Variants in KIF6 observed in about 807,000 individuals in gnomAD.
KIF6 encodes kinesin-like protein KIF6.
KIF6 carries 106 observed loss-of-function variants against 112.7 expected under a neutral mutation model. The ratio of observed to expected loss-of-function variants is 0.94; its 90% CI spans 0.80 to 1.11. KIF6 has a LOEUF of 1.11. Among genes scored for constraint, KIF6 ranks in the 50% least tolerant of loss-of-function variants. The pLI, the probability that KIF6 is intolerant of heterozygous loss-of-function variation, is 0.00. For synonymous variants in KIF6, 339 were observed against 339.9 expected (o/e 1.00, Z 0.03); for missense variants, 929 against 964.0 (o/e 0.96, Z 0.48).
At chr6:39,643,360 T>C (rs984142010) in intron 3 of KIF6, among the ~76,000 whole-genome samples, 5 of 152,144 alleles carry the variant, frequency 3.3e-5, no homozygotes, top group Non-Finnish European at 7.4e-5. Flanking sequence ...ACAGAATAGC[T>C]AAAACAATCT....
At chr6:39,509,791 A>T (rs1776656118) in intron 13 of KIF6, among the ~76,000 whole-genome samples, 1 of 152,224 alleles carries the variant, frequency 6.6e-6, no homozygotes, top group Non-Finnish European at 1.5e-5. Context: ...AATGGAACCA[A>T]GTTAGAAAAC....
intron 13 of KIF6, among the ~76,000 whole-genome samples, chr6:39,482,783 AC>A (rs1212293493): frequency 2.0e-5 from 3 of 152,216 alleles, no homozygotes; most frequent in Non-Finnish European, 4.4e-5. Context: ...AGTCCAGCCC[AC>A]TGGGAGAGAG....
intron 5 of KIF6, among the ~76,000 whole-genome samples, chr6:39,625,537 C>A (rs1277746441): frequency 1.3e-5 from 2 of 152,136 alleles, no homozygotes; most frequent in Non-Finnish European, 1.5e-5. Context: ...AAGAGGCTGC[C>A]ATTCCAGCTG....
At chr6:39,550,775 C>A (rs1779330883) in intron 10 of KIF6, among the ~76,000 whole-genome samples, 1 of 152,220 alleles carries the variant, frequency 6.6e-6, no homozygotes. Flanking sequence ...TGCTCTAAAT[C>A]ATTTTGCCAC....
chr6:39,599,264 A>T (rs534842153), intron 6 of KIF6, among the ~76,000 whole-genome samples: 62 of 152,324 alleles, frequency 4.1e-4, no homozygotes, highest in Non-Finnish European at 6.6e-4. Flanking sequence ...ATGAGTAAAT[A>T]TGTTCAGATC....
chr6:39,545,562 T>C lies in KIF6; in HGVS notation c.1287+21A>G, dbSNP rs752151632. The C allele has an allele frequency of 7.0e-6, 11 of 1,573,680 alleles. No individual in the cohort carries two copies. The South Asian group carries it at 1.1e-4, about 16-fold the overall frequency. On this transcript the variant is annotated intron_variant, in intron 11 of 22. Coordinates refer to ENST00000287152, the MANE Select transcript of KIF6 (RefSeq NM_145027.6). The stretch of plus-strand genomic sequence containing the variant: ...GAACATGGCTGAAAATGGCTTCTAT[T>C]GGGGAAACATTTAAGTTTACCTTTA...
chr6:39,424,425 C>G (rs1770615581), intron 14 of KIF6, among the ~76,000 whole-genome samples: 1 of 152,220 alleles, frequency 6.6e-6, no homozygotes, highest in Non-Finnish European at 1.5e-5. Context: ...GGACAGCAAC[C>G]ACATCTGCTT....
At chr6:39,407,258 A>T (rs1213071173) in intron 15 of KIF6, among the ~76,000 whole-genome samples, 1 of 152,220 alleles carries the variant, frequency 6.6e-6, no homozygotes, top group Non-Finnish European at 1.5e-5. Context: ...CAAAAAATAC[A>T]TTGCTTCATA....
rs58810898 is a variant in KIF6 at position 39,349,631 on chromosome 6, C to CTTTTTTTTT, written c.2181-3114_2181-3106dup. On this transcript the variant is annotated intron_variant, in intron 19 of 22. Transcript: ENST00000287152. ...GAAGGTCTAGGTTTAATTTGTGGCT[C>CTTTTTTTTT]TTTTTTTTTTTTTTTTTTTTTTTTT... Among the ~76,000 whole-genome samples, 59 of 64,558 alleles carry CTTTTTTTTT rather than the reference C, an allele frequency of 9.1e-4. 5 individuals carry two copies. The highest frequency in any genetic ancestry group is 3.4e-3 in the African/African-American group (53 of 15,496). The allele number at this position is 64,558 out of a possible 152,430, so 42.4% of individuals were successfully genotyped here.
Position 39,342,254 on chromosome 6 carries a change from C to T in KIF6, c.2428+1455G>A, listed in dbSNP as rs146449315. Among the ~76,000 whole-genome samples, 1 of 152,358 alleles carries T rather than the reference C, an allele frequency of 6.6e-6. No individual in the cohort carries two copies. Among genetic ancestry groups the T allele is most frequent in the East Asian group, 1.9e-4 (1 of 5,190 alleles). Reference sequence around the variant, plus strand: ...AGTTATCTTCTCCAGCAAGGCCTCCCCAACCTACCCAGCTAAAAGCAGTCT... The same window carrying T: ...AGTTATCTTCTCCAGCAAGGCCTCCTCAACCTACCCAGCTAAAAGCAGTCT... On this transcript the variant is annotated intron_variant, in intron 22 of 22. Transcript: ENST00000287152. This position sits in a 1 kb window ranked among gnomAD's most constrained non-coding sequence, Gnocchi z 4.7.
chr6:39,353,334 G>A (rs191399606), intron 19 of KIF6, among the ~76,000 whole-genome samples: 80 of 152,298 alleles, frequency 5.3e-4, no homozygotes, highest in African/African-American at 1.9e-3. Context: ...AGGATGTTGT[G>A]TACCTTGTCA....
At chr6:39,623,725 C>A (rs959465331) in intron 5 of KIF6, among the ~76,000 whole-genome samples, 13 of 152,132 alleles carry the variant, frequency 8.5e-5, no homozygotes, top group African/African-American at 2.7e-4. Context: ...TGTAAAAACA[C>A]AAAGCCAATT....
intron 20 of KIF6, among the ~76,000 whole-genome samples, chr6:39,346,049 G>GCCCTCTCT (rs1763693911): frequency 3.4e-5 from 1 of 28,994 alleles, no homozygotes; most frequent in Non-Finnish European, 6.5e-5. Flanking sequence ...AAACTACAGT[G>GCCCTCTCT]CTCTCTCTCT....
intron 22 of KIF6, among the ~76,000 whole-genome samples, chr6:39,341,455 C>T (rs956288008): frequency 6.6e-6 from 1 of 152,224 alleles, no homozygotes; most frequent in Non-Finnish European, 1.5e-5. Flanking sequence ...TGTTGGAGAA[C>T]CCCAGGGGGC....
At chr6:39,566,675 T>C (rs980632032) in intron 10 of KIF6, among the ~76,000 whole-genome samples, 4 of 152,296 alleles carry the variant, frequency 2.6e-5, no homozygotes, top group African/African-American at 9.6e-5. Context: ...ATGATGAAAA[T>C]AATTTGAAGA....
At chr6:39,589,287 T>C (rs1781804298) in intron 7 of KIF6, among the ~76,000 whole-genome samples, 1 of 152,232 alleles carries the variant, frequency 6.6e-6, no homozygotes, top group South Asian at 2.1e-4. Context: ...TCAAAAATAA[T>C]AAACCTATCT....
intron 10 of KIF6, among the ~76,000 whole-genome samples, chr6:39,549,625 T>C (rs754466440): frequency 2.0e-5 from 3 of 152,178 alleles, no homozygotes. Context: ...CAAGCATTCA[T>C]TGAGGAGGCA....
chr6:39,584,417 TAAAA>T (rs61215070), intron 9 of KIF6, among the ~76,000 whole-genome samples: 494 of 46,040 alleles, frequency 0.011, 21 homozygotes, highest in Admixed American at 0.022. Flanking sequence ...ACTCTGTCTC[TAAAA>T]AAAAAAAAAA....
intron 14 of KIF6, among the ~76,000 whole-genome samples, chr6:39,424,306 C>T (rs1770603110): frequency 1.3e-5 from 2 of 152,212 alleles, no homozygotes; most frequent in Admixed American, 1.3e-4. Flanking sequence ...ATGACACCCC[C>T]AGGTGCTCCC....
Sources: gnomAD v4.1 joint callset for allele counts (sites outside exome capture counted in the v4.1 genomes callset) on GRCh38, gnomAD v4.1.1 for gene constraint, Gnocchi (gnomAD v3.1) non-coding constraint, MANE v1.5 for transcripts, NCBI Gene and HGNC (gene_info 2026-07-23, HGNC 2026-07-21) for gene names.